The following CCDC171 variants were observed in gnomAD, a reference collection of about 807,000 sequenced individuals.
CCDC171 encodes coiled-coil domain-containing protein 171.
CCDC171 carries 177 observed loss-of-function variants against 168.2 expected under a neutral mutation model. The ratio of observed to expected loss-of-function variants is 1.05; its 90% CI spans 0.93 to 1.19. The LOEUF is 1.19. Ranked by LOEUF, CCDC171 falls within the 50% of genes most tolerant of loss-of-function variation. The pLI is 0.00. For missense variants in CCDC171, 1,991 were observed against 1,539.0 expected, an observed-to-expected ratio of 1.29 and a Z score of -4.91; for synonymous variants, 687 against 540.8, an observed-to-expected ratio of 1.27 and a Z score of -3.75.
At chr9:15,875,409 A>G (rs989874485) in intron 24 of CCDC171, 1 of 151,790 alleles carries the variant, frequency 6.6e-6, no homozygotes, top group Non-Finnish European at 1.5e-5. Flanking sequence ...CCTTAAGGTT[A>G]TTTTTCTTAA....
At chr9:15,675,754 A>G (rs2049502221) in intron 9 of CCDC171, among the ~76,000 whole-genome samples, 2 of 152,162 alleles carry the variant, frequency 1.3e-5, no homozygotes, top group African/African-American at 4.8e-5. Context: ...TGTTAGTCTC[A>G]TGGGCTTCCC....
chr9:15,979,048 T>TA (rs1831709595), intron 3 of CCDC171, among the ~76,000 whole-genome samples: 1 of 152,214 alleles, frequency 6.6e-6, no homozygotes, highest in Admixed American at 6.5e-5. Flanking sequence ...GGTTTGTTCA[T>TA]ACGGTACCGT....
intron 1 of CCDC171, among the ~76,000 whole-genome samples, chr9:15,557,882 A>C (rs200829834): frequency 6.6e-6 from 1 of 151,980 alleles, no homozygotes; most frequent in African/African-American, 2.4e-5. Context: ...GTTTGTCATA[A>C]AGAGCTCTTA....
chr9:16,084,752 G>T, the CCDC171 span, among the ~76,000 whole-genome samples: 1 of 152,124 alleles, frequency 6.6e-6, no homozygotes, highest in Non-Finnish European at 1.5e-5. Context: ...ATCCAGGCAG[G>T]GTTTTGGGTG....
At chr9:15,676,971 C>A (rs1352917683) in intron 9 of CCDC171, among the ~76,000 whole-genome samples, 1 of 151,982 alleles carries the variant, frequency 6.6e-6, no homozygotes, top group African/African-American at 2.4e-5. Flanking sequence ...CGTGTGTTTC[C>A]ATACTTGATG....
chr9:15,892,631 C>G (rs751893979), intron 24 of CCDC171, among the ~76,000 whole-genome samples: 35 of 152,012 alleles, frequency 2.3e-4, no homozygotes, highest in Non-Finnish European at 3.4e-4. Context: ...GCAAAAATCA[C>G]CAACAACAGG....
intron 25 of CCDC171, among the ~76,000 whole-genome samples, chr9:15,968,519 C>A (rs1378626790): frequency 6.8e-6 from 1 of 146,296 alleles, no homozygotes; most frequent in African/African-American, 2.5e-5. Flanking sequence ...ATCAAAGTTT[C>A]ACCAGAATTG....
intron 25 of CCDC171, among the ~76,000 whole-genome samples, chr9:15,954,777 T>A (rs1012450014): frequency 1.3e-5 from 2 of 152,024 alleles, no homozygotes; most frequent in African/African-American, 4.8e-5. Context: ...GTTGTTTGTT[T>A]CTTTCTAGGC....
chr9:15,652,369 CTG>C (rs1350786054), intron 7 of CCDC171, among the ~76,000 whole-genome samples: 1 of 151,944 alleles, frequency 6.6e-6, no homozygotes, highest in Admixed American at 6.6e-5. Context: ...TATTTCTGGA[CTG>C]TCAGTTCCTT....
intron 18 of CCDC171, among the ~76,000 whole-genome samples, chr9:15,750,897 C>A (rs1488192900): frequency 6.6e-6 from 1 of 152,184 alleles, no homozygotes; most frequent in Non-Finnish European, 1.5e-5. Context: ...CTCACCACTC[C>A]TATTCAACAC....
rs1824058877 is a variant in CCDC171 at position 15,913,739 on chromosome 9, T to G, written c.3601-6531T>G. ...AGAGGGATTCTGGTTTTTGGAATTTTCAGCCTTTTTGAGCTGGTTTTTCCT... is the reference window on the plus strand; with the variant it reads ...AGAGGGATTCTGGTTTTTGGAATTTGCAGCCTTTTTGAGCTGGTTTTTCCT... On this transcript the variant is annotated intron_variant, in intron 24 of 25. Coordinates refer to ENST00000380701, the MANE Select transcript of CCDC171 (RefSeq NM_173550.4). Among the ~76,000 whole-genome samples the G allele has an allele frequency of 2.6e-5, 4 of 152,356 alleles. No homozygotes were observed. In the South Asian group the frequency reaches 8.3e-4, roughly 32 times the overall value.
rs1823163609 is a variant in CCDC171, at chr9:15,908,850, G to T, written c.3601-11420G>T. 2.6e-5 allele frequency among the ~76,000 whole-genome samples: 4 copies of T among 152,102 alleles called. No individual in the cohort carries two copies. In the South Asian group the frequency reaches 8.3e-4, roughly 32 times the overall value. On this transcript the variant is annotated intron_variant, in intron 24 of 25. Coordinates refer to ENST00000380701, the MANE Select transcript of CCDC171 (RefSeq NM_173550.4). ...GAGGGAGGTGCCACATGGTTTTAAAGCACCAAGCCATGAGGGATCTCCGCT... is the reference window on the plus strand; with the variant it reads ...GAGGGAGGTGCCACATGGTTTTAAATCACCAAGCCATGAGGGATCTCCGCT...
At chr9:15,617,920 TC>T (rs1247667581) in intron 6 of CCDC171, among the ~76,000 whole-genome samples, 1 of 152,086 alleles carries the variant, frequency 6.6e-6, no homozygotes, top group East Asian at 1.9e-4. Flanking sequence ...CAGCTGGAGC[TC>T]TCTTATATGA....
chr9:15,776,678 A>T (rs375498684), intron 18 of CCDC171, among the ~76,000 whole-genome samples: 91 of 152,320 alleles, frequency 6.0e-4, no homozygotes, highest in African/African-American at 2.0e-3. Flanking sequence ...ATAGAAAACC[A>T]TTGGTTGATT....
rs147397703 is a variant in CCDC171, at chr9:15,649,819, A to T, written c.823-7308A>T. ...GTTGGAAGGACTGTAAACTAATTTA[A>T]CCATTGTGGAAGACAGTGTGGCAAT... is the stretch of plus-strand genomic sequence containing the variant. On this transcript the variant is annotated intron_variant, in intron 7 of 25. Transcript: ENST00000380701. 5.3e-5 allele frequency among the ~76,000 whole-genome samples: 8 copies of T among 152,362 alleles called. No homozygotes were observed. In the East Asian group the frequency reaches 1.5e-3, roughly 29 times the overall value.
At chr9:15,587,972 C>T (rs1449282356) in intron 4 of CCDC171, among the ~76,000 whole-genome samples, 4 of 152,052 alleles carry the variant, frequency 2.6e-5, no homozygotes, top group African/African-American at 9.7e-5. Flanking sequence ...CGCGGTGGCT[C>T]ACGCCTGTAA....
chr9:16,092,418 AT>A, the CCDC171 span, among the ~76,000 whole-genome samples: 3 of 152,130 alleles, frequency 2.0e-5, no homozygotes, highest in African/African-American at 7.2e-5. Flanking sequence ...AGTTGCTGAG[AT>A]GCGCTGGTCT....
At chr9:16,034,190 TG>T (rs1441326200) in intron 6 of CCDC171, among the ~76,000 whole-genome samples, 7 of 152,228 alleles carry the variant, frequency 4.6e-5, no homozygotes, top group African/African-American at 1.7e-4. Context: ...TCACTGGCTT[TG>T]GGTTGCCGCA....
chr9:15,759,963 A>G (rs546986670), intron 18 of CCDC171, among the ~76,000 whole-genome samples: 1 of 152,326 alleles, frequency 6.6e-6, no homozygotes, highest in East Asian at 1.9e-4. Flanking sequence ...CCTTTGAATC[A>G]TGTTAAATTA....
Sources: allele counts gnomAD v4.1 joint callset (sites outside exome capture counted in the v4.1 genomes callset), GRCh38; gene constraint gnomAD v4.1.1; transcripts MANE v1.5; gene names NCBI Gene and HGNC (gene_info 2026-07-23, HGNC 2026-07-21).